Variants in SETD2 observed in about 807,000 individuals in gnomAD.
The protein encoded by SETD2 is histone-lysine N-methyltransferase SETD2.
In SETD2, 31 loss-of-function variants were observed where a neutral mutation model predicts 242.1. The observed-to-expected ratio is 0.13, with a 90% CI of 0.10 to 0.17. SETD2 has a LOEUF of 0.17. Among genes scored for constraint, SETD2 ranks in the 10% least tolerant of loss-of-function variants. SETD2 has a pLI of 1.00. For missense variants in SETD2, 2,481 were observed against 3,046.3 expected, an observed-to-expected ratio of 0.81 and a Z score of 4.37; for synonymous variants, 1,006 against 1,066.5, an observed-to-expected ratio of 0.94 and a Z score of 1.11.
intron 16 of SETD2, among the ~76,000 whole-genome samples, chr3:47,044,969 A>C (rs1179674764): frequency 2.6e-5 from 4 of 152,232 alleles, no homozygotes; most frequent in Non-Finnish European, 4.4e-5. Flanking sequence ...TCAAGTGGTA[A>C]TTATAGTGCA....
intron 5 of SETD2, among the ~76,000 whole-genome samples, chr3:47,106,590 T>G (rs899520724): frequency 7.2e-6 from 1 of 138,424 alleles, no homozygotes; most frequent in African/African-American, 2.8e-5. Context: ...GGCGGGTGGA[T>G]CACCTGAGGT....
chr3:47,102,480 T>C (rs2042250615), intron 7 of SETD2, among the ~76,000 whole-genome samples: 4 of 152,202 alleles, frequency 2.6e-5, no homozygotes. Context: ...AGCGGGTTCA[T>C]AGCTTTAACC....
At chr3:47,107,852 C>T (rs936388189) in intron 5 of SETD2, among the ~76,000 whole-genome samples, 16 of 151,944 alleles carry the variant, frequency 1.1e-4, no homozygotes, top group Admixed American at 9.2e-4. Flanking sequence ...GTATTATGTG[C>T]CTATAGTCCA....
Position 47,147,181 on chromosome 3 carries a change from T to C in SETD2, c.71+16673A>G, listed in dbSNP as rs558973216. ...ACTCGCCACCACACCCGCTAATTTTTTTTGTATTTTTAGTAGAGACAGGGT... is the reference window on the plus strand; with the variant it reads ...ACTCGCCACCACACCCGCTAATTTTCTTTGTATTTTTAGTAGAGACAGGGT... On this transcript the variant is annotated intron_variant, in intron 1 of 20. Coordinates refer to ENST00000409792, the MANE Select transcript of SETD2 (RefSeq NM_014159.7). 4.0e-5 allele frequency among the ~76,000 whole-genome samples: 6 copies of C among 151,838 alleles called. 1 individual carries two copies. In the South Asian group the frequency reaches 1.2e-3, roughly 32 times the overall value.
At chr3:47,086,430 CA>C in intron 10 of SETD2, 116 bp from the exon 11 acceptor site, 1 of 973,610 alleles carries the variant, frequency 1.0e-6, no homozygotes, top group Non-Finnish European at 1.5e-6. Flanking sequence ...CACTTACATT[CA>C]CAAAAAAAAC....
At chr3:47,142,303 T>C (rs1575840239) in intron 1 of SETD2, among the ~76,000 whole-genome samples, 1 of 151,876 alleles carries the variant, frequency 6.6e-6, no homozygotes, top group Non-Finnish European at 1.5e-5. Flanking sequence ...AGGCTAGGAG[T>C]TCGAGACCAT....
In SETD2 at chr3:47,154,956, C is replaced by G. The variant is rs962789243; in HGVS notation, c.71+8898G>C. 8.6e-5 allele frequency among the ~76,000 whole-genome samples: 13 copies of G among 151,358 alleles called. No individual in the cohort carries two copies. In the East Asian group the frequency reaches 2.5e-3, roughly 29 times the overall value. On this transcript the variant is annotated intron_variant, in intron 1 of 20. Coordinates refer to ENST00000409792, the MANE Select transcript of SETD2 (RefSeq NM_014159.7). The stretch of plus-strand genomic sequence containing the variant: ...TTGCAGTGAGCCGAGATCGCACCAC[C>G]GCACTCCAGCCTGGGCGACAGAGCA...
chr3:47,035,821 G>A (rs2038970967), intron 18 of SETD2, among the ~76,000 whole-genome samples: 1 of 152,160 alleles, frequency 6.6e-6, no homozygotes, highest in Non-Finnish European at 1.5e-5. Context: ...ACAGAAGTCT[G>A]GAAATGGGAG....
In SETD2 at chr3:47,103,484, C is replaced by T. The variant is rs1209372140; in HGVS notation, c.4840-61G>A. On this transcript the variant is annotated intron_variant, in intron 6 of 20. Transcript: ENST00000409792. ...ATACCTTAAATATTCATGCAATTAC[C>T]TGCAAAACTACATACATCTCTTATG... 8 of 1,149,880 alleles carry T rather than the reference C, an allele frequency of 7.0e-6. 1 individual carries two copies. Among genetic ancestry groups the T allele is most frequent in the Non-Finnish European group, 7.9e-6 (6 of 760,090 alleles). The allele number at this position is 1,149,880 out of a possible 1,614,324, so 71.2% of individuals were successfully genotyped here.
At position 47,122,340 on chromosome 3, in the gene SETD2, T is replaced by C. The variant is rs755560393; in HGVS notation, c.2296A>G (p.Met766Val). The change falls in exon 3 of 21, where the codon ATG becomes GTG. Residue 766 changes from methionine to valine, a missense_variant. By Grantham distance (21) the Met-to-Val change is conservative (BLOSUM62 1). Transcript: ENST00000409792. ...ACTGTTTTGGAATAATCCACAGTCA[T>C]AACTGGCATAGACATGAGTTTATCT... ...HQDKLMSMPV[M>V]TVDYSKTVVK... The C allele has an allele frequency of 3.1e-6, 5 of 1,614,214 alleles. No individual in the cohort carries two copies. The highest frequency in any genetic ancestry group is 2.5e-6 in the Non-Finnish European group (3 of 1,180,014).
At chr3:47,132,712 A>C (rs1428347262) in intron 1 of SETD2, among the ~76,000 whole-genome samples, 2 of 152,222 alleles carry the variant, frequency 1.3e-5, no homozygotes, top group African/African-American at 4.8e-5. Context: ...GATTTTAATA[A>C]GCAAAGACTT....
At chr3:47,110,369 G>C (rs1353273521) in intron 5 of SETD2, among the ~76,000 whole-genome samples, 6 of 152,154 alleles carry the variant, frequency 3.9e-5, no homozygotes, top group Non-Finnish European at 8.8e-5. Flanking sequence ...ACAAGATTAT[G>C]AATGCACTAA....
chr3:47,074,010 G>A (rs749185747), intron 12 of SETD2, among the ~76,000 whole-genome samples: 4 of 152,162 alleles, frequency 2.6e-5, no homozygotes, highest in Admixed American at 6.5e-5. Flanking sequence ...ATATTCCTAC[G>A]TGTGAATGTG....
At chr3:47,023,735 T>C (rs1000131150) in intron 18 of SETD2, among the ~76,000 whole-genome samples, 3 of 152,208 alleles carry the variant, frequency 2.0e-5, no homozygotes, top group African/African-American at 7.2e-5. Flanking sequence ...CCACTATTTA[T>C]ATAGCATTTA....
upstream of SETD2, among the ~76,000 whole-genome samples, chr3:47,164,817 G>A (rs1437034903): frequency 6.6e-6 from 1 of 152,146 alleles, no homozygotes; most frequent in East Asian, 1.9e-4. This position sits in a 1 kb window ranked among gnomAD's most constrained non-coding sequence, Gnocchi z 5.4. Flanking sequence ...TCGGCGCGGC[G>A]CTCTGCCCCC....
At chr3:47,158,480 G>A (rs976239215) in intron 1 of SETD2, among the ~76,000 whole-genome samples, 1 of 152,162 alleles carries the variant, frequency 6.6e-6, no homozygotes, top group African/African-American at 2.4e-5. Context: ...CCTACTCAGT[G>A]TGAAGACTAC....
At chr3:47,042,774 C>T (rs554909020) in intron 16 of SETD2, 74 bp from the exon 17 acceptor site, 2 of 1,321,756 alleles carry the variant, frequency 1.5e-6, no homozygotes, top group East Asian at 4.8e-5. Context: ...AAATAGCCCA[C>T]TTAAATATGT....
Position 47,120,288 on chromosome 3 carries a change from C to T in SETD2, c.4348G>A (p.Val1450Ile), listed in dbSNP as rs898862144. Residue 1450 changes from valine (V) to isoleucine (I), a missense_variant, in exon 3 of 21, where the codon GTC becomes ATC. This residue lies in a region of SETD2 where 48 missense variants were observed against 76.6 expected (regional missense o/e 0.63). Coordinates refer to ENST00000409792, the MANE Select transcript of SETD2 (RefSeq NM_014159.7). Reference protein sequence around the residue: ...PGSALVGPSCVMDDFRDPQRW... With the variant: ...PGSALVGPSCIMDDFRDPQRW... ...TGTGGGTCCCTGAAGTCATCCATGA[C>T]ACAGGAGGGCCCAACCAGTGCTGAA... 2.5e-6 allele frequency: 4 copies of T among 1,613,596 alleles called. No homozygotes were observed. Among genetic ancestry groups the T allele is most frequent in the Non-Finnish European group, 2.5e-6 (3 of 1,179,880 alleles).
chr3:47,134,533 C>T (rs941515485), intron 1 of SETD2, among the ~76,000 whole-genome samples: 2 of 152,168 alleles, frequency 1.3e-5, no homozygotes, highest in Non-Finnish European at 2.9e-5. Flanking sequence ...AATGGATGTC[C>T]TAGCTAACTA....
Sources: gnomAD v4.1 joint callset for allele counts (sites outside exome capture counted in the v4.1 genomes callset) on GRCh38, gnomAD v4.1.1 for gene constraint, gnomAD v4.1.1 regional missense constraint, Gnocchi (gnomAD v3.1) non-coding constraint, MANE v1.5 for transcripts, NCBI Gene and HGNC (gene_info 2026-07-23, HGNC 2026-07-21) for gene names.